The following STRN variants were observed in gnomAD, a reference collection of about 807,000 sequenced individuals.
STRN encodes protein phosphatase 2 regulatory subunit B'''alpha.
STRN carries 53 observed loss-of-function variants against 96.3 expected under a neutral mutation model. The ratio of observed to expected loss-of-function variants is 0.55; its 90% CI spans 0.44 to 0.69. The LOEUF is 0.69. Ranked by LOEUF, STRN falls within the 30% of genes least tolerant of loss-of-function variation. The pLI, the probability that STRN is intolerant of heterozygous loss-of-function variation, is 0.00. For synonymous variants in STRN, 428 were observed against 355.9 expected, an observed-to-expected ratio of 1.20 and a Z score of -2.28; for missense variants, 987 against 963.9, an observed-to-expected ratio of 1.02 and a Z score of -0.32.
chr2:36,838,765 C>T lies in STRN; in HGVS notation c.*10691G>A, dbSNP rs919011400. Among the ~76,000 whole-genome samples the T allele has an allele frequency of 6.6e-6, 1 of 152,072 alleles. No homozygotes were observed. The highest frequency in any genetic ancestry group is 2.4e-5 in the African/African-American group (1 of 41,414). ...AAACCATCATGGTGACAAACATATACACAGGAATGTTTATTGTAATAATAA... is the reference window on the plus strand; with the variant it reads ...AAACCATCATGGTGACAAACATATATACAGGAATGTTTATTGTAATAATAA... On this transcript the variant is annotated 3_prime_UTR_variant, in exon 18 of 18. Coordinates refer to ENST00000263918, the MANE Select transcript of STRN (RefSeq NM_003162.4).
chr2:36,897,316 C>A (rs13432039), intron 6 of STRN, among the ~76,000 whole-genome samples: 5,656 of 151,888 alleles, frequency 0.037, 346 homozygotes, highest in African/African-American at 0.13. Flanking sequence ...AAGTCCTTTT[C>A]GGCATATAGC....
chr2:36,961,977 G>T (rs1022489046), intron 1 of STRN, among the ~76,000 whole-genome samples: 1 of 152,070 alleles, frequency 6.6e-6, no homozygotes, highest in African/African-American at 2.4e-5. Flanking sequence ...GTCTTAGCTC[G>T]AATGGCATCT....
intron 5 of STRN, 49 bp from the exon 6 acceptor site, chr2:36,899,707 C>G: frequency 6.7e-7 from 1 of 1,495,914 alleles, no homozygotes; most frequent in South Asian, 1.3e-5. Flanking sequence ...TTAACTTCGA[C>G]ATAAGAAGTA....
chr2:36,929,516 CT>C (rs1483078545), intron 1 of STRN, among the ~76,000 whole-genome samples: 1 of 152,120 alleles, frequency 6.6e-6, no homozygotes, highest in East Asian at 1.9e-4. Flanking sequence ...TCCTGAGTAG[CT>C]GGGATTACAG....
intron 9 of STRN, among the ~76,000 whole-genome samples, chr2:36,880,816 A>ATATATAT (rs1669049969): frequency 6.6e-6 from 1 of 152,224 alleles, no homozygotes. Flanking sequence ...TTCCTAGGAT[A>ATATATAT]GACCATATAA....
Position 36,882,442 on chromosome 2 carries a change from T to C in STRN, c.1186+1490A>G, listed in dbSNP as rs377579877. On this transcript the variant is annotated intron_variant, in intron 9 of 17. Coordinates refer to ENST00000263918, the MANE Select transcript of STRN (RefSeq NM_003162.4). ...AGGCTGGAGTGCAGTAGCTATTCAC[T>C]GACTCAATCATCACGCACTACAGTC... Among the ~76,000 whole-genome samples, 11 of 152,314 alleles carry C rather than the reference T, an allele frequency of 7.2e-5. No homozygotes were observed. In the East Asian group the frequency reaches 2.1e-3, roughly 29 times the overall value.
At chr2:36,902,552 T>C (rs1425798164) in intron 5 of STRN, 32 bp downstream of exon 5, 3 of 1,551,968 alleles carry the variant, frequency 1.9e-6, no homozygotes, top group Middle Eastern at 1.7e-4. Context: ...GAACTAATAA[T>C]AGCTAAAACA....
chr2:36,946,134 A>G (rs2148260754), intron 1 of STRN, among the ~76,000 whole-genome samples: 1 of 152,246 alleles, frequency 6.6e-6, no homozygotes, highest in Admixed American at 6.5e-5. Context: ...AAATATTTCC[A>G]GTTGATTTTT....
Position 36,844,096 on chromosome 2 carries a change from A to T in STRN, c.*5360T>A, listed in dbSNP as rs1389932116. The T allele has an allele frequency of 1.3e-5, 2 of 152,146 alleles. No individual in the cohort carries two copies. Among genetic ancestry groups the T allele is most frequent in the Non-Finnish European group, 2.9e-5 (2 of 68,020 alleles). The allele number at this position is 152,146 out of a possible 1,614,324, so 9.4% of individuals were successfully genotyped here. A position where few individuals can be genotyped will look rare whatever the true frequency, so the allele number is the denominator to read the frequency against. On this transcript the variant is annotated 3_prime_UTR_variant, in exon 18 of 18. Transcript: ENST00000263918. ...TCTAGTCAACTGAACTTGAGAAAAC[A>T]TAAAGTAACCAGCAGATTTCAATAT...
At chr2:36,891,522 C>A (rs1172293399) in intron 7 of STRN, among the ~76,000 whole-genome samples, 3 of 149,048 alleles carry the variant, frequency 2.0e-5, no homozygotes, top group Non-Finnish European at 3.0e-5. Context: ...GAGACTCTGT[C>A]AAAAAAAAAA....
At chr2:36,912,701 G>T (rs542044232) in intron 3 of STRN, among the ~76,000 whole-genome samples, 56 of 152,254 alleles carry the variant, frequency 3.7e-4, no homozygotes, top group African/African-American at 1.3e-3. Flanking sequence ...ATATGTTGAT[G>T]CCTCTCAAAT....
At position 36,916,170 on chromosome 2, in the gene STRN, A is replaced by C; in HGVS notation, c.339-19T>G. 6.3e-7 allele frequency: 1 copy of C among 1,587,704 alleles called. No homozygotes were observed. ...TTTGGCTCTAACAAAGAAATGAGAA[A>C]ATACAGACCATCTTAAAATATGTTT... On this transcript the variant is annotated intron_variant, in intron 2 of 17. Transcript: ENST00000263918.
chr2:36,913,612 C>A (rs1216217605), intron 3 of STRN, among the ~76,000 whole-genome samples: 1 of 152,208 alleles, frequency 6.6e-6, no homozygotes, highest in Non-Finnish European at 1.5e-5. Context: ...ACTTCTTTAA[C>A]TGTCTATCTT....
intron 7 of STRN, among the ~76,000 whole-genome samples, chr2:36,887,683 G>A (rs1297807392): frequency 6.6e-6 from 1 of 152,024 alleles, no homozygotes; most frequent in Non-Finnish European, 1.5e-5. Context: ...TTAATACATA[G>A]CATTTGAAAA....
intron 8 of STRN, 129 bp downstream of exon 8, chr2:36,886,587 G>A (rs1669233717): frequency 7.5e-6 from 5 of 666,802 alleles, no homozygotes; most frequent in East Asian, 2.8e-5. Flanking sequence ...CTGAGAGCAG[G>A]TGAAAAGGAA....
chr2:36,889,921 T>C (rs1285081825), intron 7 of STRN, among the ~76,000 whole-genome samples: 1 of 152,148 alleles, frequency 6.6e-6, no homozygotes, highest in Non-Finnish European at 1.5e-5. Flanking sequence ...ATAGGCTAGG[T>C]AAAATGTACA....
rs964635517 is a variant in STRN, at chr2:36,860,350, A to T, written c.1669+782T>A. Among the ~76,000 whole-genome samples, 19 of 152,226 alleles carry T rather than the reference A, an allele frequency of 1.2e-4. 1 individual carries two copies. Among genetic ancestry groups the T allele is most frequent in the Admixed American group, 7.9e-4 (12 of 15,276 alleles). On this transcript the variant is annotated intron_variant, in intron 13 of 17. Transcript: ENST00000263918. ...AGGAAAGACATGGAACAGATAACTT[A>T]TAAGAGAATTAGGGGAGAGTGGGGT...
intron 1 of STRN, among the ~76,000 whole-genome samples, chr2:36,961,115 CTTTTTTTTTT>C (rs551915869): frequency 0.015 from 876 of 60,320 alleles, 17 homozygotes; most frequent in African/African-American, 0.076. Flanking sequence ...CCAGGCTGCA[CTTTTTTTTTT>C]TTTTTTTTTT....
intron 3 of STRN, among the ~76,000 whole-genome samples, chr2:36,907,331 C>G (rs938795696): frequency 2.6e-5 from 4 of 152,184 alleles, no homozygotes; most frequent in Non-Finnish European, 2.9e-5. Context: ...GGGCGGATCA[C>G]AAGGTCAGGA....
Sources: allele counts gnomAD v4.1 joint callset (sites outside exome capture counted in the v4.1 genomes callset), GRCh38; gene constraint gnomAD v4.1.1; transcripts MANE v1.5; gene names NCBI Gene and HGNC (gene_info 2026-07-23, HGNC 2026-07-21).